The following WRN variants were observed in gnomAD, a reference collection of about 807,000 sequenced individuals.
The protein encoded by WRN is WRN RecQ like helicase.
In WRN, 149 loss-of-function variants were observed where a neutral mutation model predicts 180.7. The ratio of observed to expected loss-of-function variants is 0.82; its 90% CI spans 0.72 to 0.94. WRN has a LOEUF of 0.94. Ranked by LOEUF, WRN falls within the 40% of genes least tolerant of loss-of-function variation. The pLI is 0.00. For missense variants in WRN, 1,661 were observed against 1,700.1 expected, an observed-to-expected ratio of 0.98 and a Z score of 0.40; for synonymous variants, 548 against 568.9, an observed-to-expected ratio of 0.96 and a Z score of 0.52.
At chr8:31,157,328 C>G (rs761179968) in intron 32 of WRN, 40 bp from the exon 33 acceptor site, 17 of 1,611,764 alleles carry the variant, frequency 1.1e-5, no homozygotes, top group Non-Finnish European at 1.4e-5. Context: ...GGAGTGGACA[C>G]TTTTACAACT....
rs1412215836 is a variant in WRN at position 31,132,450 on chromosome 8, G to A, written c.2911G>A (p.Asp971Asn). 1 of 1,614,134 alleles carries A rather than the reference G, an allele frequency of 6.2e-7. No individual in the cohort carries two copies. Among genetic ancestry groups the A allele is most frequent in the Non-Finnish European group, 8.5e-7 (1 of 1,180,008 alleles). The change falls in exon 24 of 35, where the codon GAC (aspartate) becomes AAC (asparagine). Residue 971 changes from aspartate to asparagine, a missense_variant. This residue lies in a region of WRN where 1,141 missense variants were observed against 1,149.4 expected (regional missense o/e 0.99). Coordinates refer to ENST00000298139, the MANE Select transcript of WRN (RefSeq NM_000553.6). ...PQAFKLLSAVDILGEKFGIGL... is the reference protein window; with the variant it reads ...PQAFKLLSAVNILGEKFGIGL... ...AGCATTTAAGCTTTTGTCTGCTGTG[G>A]ACATCTTAGGCGAAAAATTTGGAAT...
chr8:31,048,392 T>C (rs578021141), intron 1 of WRN, among the ~76,000 whole-genome samples: 14 of 152,204 alleles, frequency 9.2e-5, no homozygotes, highest in Middle Eastern at 3.2e-3. Flanking sequence ...CTTATTCTTT[T>C]TGGTTCATTG....
At chr8:31,068,474 A>G (rs1585413443) in intron 7 of WRN, 147 bp downstream of exon 7, 1 of 660,714 alleles carries the variant, frequency 1.5e-6, no homozygotes, top group East Asian at 2.9e-5. Context: ...GGGATCCATC[A>G]GGGCCCAAGA....
intron 21 of WRN, among the ~76,000 whole-genome samples, chr8:31,122,860 G>GTTTTTTCTTTTT (rs1801774304): frequency 1.4e-5 from 1 of 69,480 alleles, no homozygotes; most frequent in Non-Finnish European, 2.6e-5. Context: ...TTCTTTTCTT[G>GTTTTTTCTTTTT]TTTTTTTTTT....
chr8:31,074,453 A>G (rs1813025742), intron 7 of WRN, among the ~76,000 whole-genome samples: 1 of 152,202 alleles, frequency 6.6e-6, no homozygotes, highest in Admixed American at 6.5e-5. Flanking sequence ...TAGTGAAATA[A>G]GAGGTGAAGT....
At chr8:31,073,595 A>G (rs1812991148) in intron 7 of WRN, among the ~76,000 whole-genome samples, 1 of 152,204 alleles carries the variant, frequency 6.6e-6, no homozygotes, top group African/African-American at 2.4e-5. Context: ...GATGTAATTC[A>G]GATCCGATGG....
chr8:31,082,373 T>C (rs1813351165), intron 9 of WRN, among the ~76,000 whole-genome samples: 1 of 152,214 alleles, frequency 6.6e-6, no homozygotes, highest in Non-Finnish European at 1.5e-5. Context: ...ATTCTCTGTA[T>C]TTTGGTAACT....
chr8:31,157,186 A>G (rs899300828), intron 32 of WRN, among the ~76,000 whole-genome samples, 182 bp from the exon 33 acceptor site: 2 of 152,218 alleles, frequency 1.3e-5, no homozygotes, highest in African/African-American at 4.8e-5. Flanking sequence ...AGTAGAACCT[A>G]TAGAGAGCTA....
chr8:31,161,049 T>C (rs1421464972), intron 33 of WRN, among the ~76,000 whole-genome samples: 36 of 151,834 alleles, frequency 2.4e-4, no homozygotes, highest in Non-Finnish European at 4.4e-5. Context: ...CTGTTGGCAT[T>C]TTTGCTATCA....
At chr8:31,089,852 C>T (rs1813672423) in intron 13 of WRN, among the ~76,000 whole-genome samples, 1 of 151,978 alleles carries the variant, frequency 6.6e-6, no homozygotes, top group Non-Finnish European at 1.5e-5. Flanking sequence ...TCCATCCATT[C>T]ATATGTCTCT....
Position 31,066,930 on chromosome 8 carries a change from A to G in WRN, c.505-103A>G, listed in dbSNP as rs1812728419. The G allele has an allele frequency of 2.8e-6, 4 of 1,443,268 alleles. No homozygotes were observed. The South Asian group carries it at 3.5e-5, about 13-fold the overall frequency. 89.4% of individuals were successfully genotyped at this position (1,443,268 alleles called of 1,614,324 possible). A position where few individuals can be genotyped will look rare whatever the true frequency, so the allele number is the denominator to read the frequency against. ...GGCTATCTGTGGGTTGTATTTTGGT[A>G]TAACATTTCCTAATTTTATTTGTGG... On this transcript the variant is annotated intron_variant, in intron 5 of 34. Coordinates refer to ENST00000298139, the MANE Select transcript of WRN (RefSeq NM_000553.6).
At position 31,173,059 on chromosome 8, in the gene WRN, A is replaced by C. The variant is rs771261660; in HGVS notation, c.4256A>C (p.Lys1419Thr). 4 of 1,614,082 alleles carry C rather than the reference A, an allele frequency of 2.5e-6. No homozygotes were observed. The highest frequency in any genetic ancestry group is 3.4e-6 in the Non-Finnish European group (4 of 1,179,974). Residue 1419 changes from lysine (K) to threonine (T), a missense_variant, in exon 35 of 35, where the codon AAG becomes ACG. Lys to Thr is a moderately conservative substitution (Grantham distance 78, BLOSUM62 -1). Around this residue, in one of 3 missense-constraint regions of WRN, gnomAD observed 1,141 missense variants for 1,149.4 expected, o/e 0.99. Coordinates refer to ENST00000298139, the MANE Select transcript of WRN (RefSeq NM_000553.6). ...VWFAKGSDTS[K>T]KLMDKTKRGG... ...TTTGCCAAAGGAAGTGATACCAGCA[A>C]GAAATTAATGGACAAAACGAAAAGG...
intron 1 of WRN, among the ~76,000 whole-genome samples, chr8:31,041,863 G>A (rs1811670611): frequency 6.6e-6 from 1 of 152,208 alleles, no homozygotes; most frequent in Admixed American, 6.5e-5. Context: ...CAGCTGCATA[G>A]GTACAGGCAC....
intron 18 of WRN, among the ~76,000 whole-genome samples, chr8:31,102,841 A>G (rs1460568614): frequency 1.3e-5 from 2 of 152,120 alleles, no homozygotes; most frequent in African/African-American, 4.8e-5. Flanking sequence ...TTCAATAATA[A>G]ATTAATCTCA....
At chr8:31,073,332 T>A (rs1057392636) in intron 7 of WRN, among the ~76,000 whole-genome samples, 5 of 152,092 alleles carry the variant, frequency 3.3e-5, no homozygotes, top group African/African-American at 1.2e-4. Flanking sequence ...TTGTGAAGGA[T>A]TTGCTGATGA....
In WRN at chr8:31,150,342, C is replaced by A; in HGVS notation, c.3574C>A (p.Pro1192Thr). ...KILVDMAKMRPTTVENVKRID... is the reference protein window; with the variant it reads ...KILVDMAKMRTTTVENVKRID... ...TGTTGTTGTTGTTGTTAAACACAGA[C>A]CAACTACGGTTGAAAACGTAAAAAG... Residue 1192 changes from proline to threonine, a missense_variant and splice_region_variant, in exon 31 of 35, where the codon CCA becomes ACA. Physicochemically the swap from Pro to Thr is conservative, Grantham distance 38. Transcript: ENST00000298139. 6.2e-7 allele frequency: 1 copy of A among 1,613,438 alleles called. No individual in the cohort carries two copies. The highest frequency in any genetic ancestry group is 2.2e-5 in the East Asian group (1 of 44,862).
chr8:31,107,845 C>T (rs1189335180), intron 18 of WRN, among the ~76,000 whole-genome samples: 1 of 152,200 alleles, frequency 6.6e-6, no homozygotes, highest in East Asian at 1.9e-4. Flanking sequence ...CTTTACATTT[C>T]AAGTAAGAGG....
chr8:31,148,061 A>AT (rs1172583345), intron 30 of WRN, among the ~76,000 whole-genome samples: 1 of 151,492 alleles, frequency 6.6e-6, no homozygotes, highest in East Asian at 1.9e-4. Flanking sequence ...TAATTTTTGT[A>AT]TTTTTTGTAG....
At chr8:31,112,949 G>T (rs6989316) in intron 19 of WRN, among the ~76,000 whole-genome samples, 149,812 of 152,156 alleles carry the variant, frequency 0.98, 73,807 homozygotes, top group East Asian at 1. Context: ...CTCACACCCA[G>T]AATCCCAGCA....
Sources: allele counts gnomAD v4.1 joint callset (sites outside exome capture counted in the v4.1 genomes callset), GRCh38; gene constraint gnomAD v4.1.1; regional missense constraint gnomAD v4.1.1; transcripts MANE v1.5; gene names NCBI Gene and HGNC (gene_info 2026-07-23, HGNC 2026-07-21).